Variants in SGPL1 observed in about 807,000 individuals in gnomAD.
The protein encoded by SGPL1 is sphingosine-1-phosphate lyase 1.
SGPL1 carries 37 observed loss-of-function variants against 68.9 expected under a neutral mutation model. The ratio of observed to expected loss-of-function variants is 0.54; its 90% CI spans 0.41 to 0.71. SGPL1 has a LOEUF of 0.71. Among genes scored for constraint, SGPL1 ranks in the 30% least tolerant of loss-of-function variants. The pLI, the probability that SGPL1 is intolerant of heterozygous loss-of-function variation, is 0.00. For synonymous variants in SGPL1, 236 were observed against 248.5 expected, an observed-to-expected ratio of 0.95 and a Z score of 0.47; for missense variants, 551 against 704.6, an observed-to-expected ratio of 0.78 and a Z score of 2.47.
At chr10:70,819,805 A>G (rs754943577) in intron 2 of SGPL1, among the ~76,000 whole-genome samples, 24 of 151,676 alleles carry the variant, frequency 1.6e-4, no homozygotes, top group Non-Finnish European at 3.4e-4. Context: ...TGATTTTTGT[A>G]TTTATTTTTT....
chr10:70,816,968 C>T (rs534275845), intron 2 of SGPL1, 88 bp downstream of exon 2: 1 of 1,230,264 alleles, frequency 8.1e-7, no homozygotes, highest in East Asian at 2.3e-5. Context: ...GATTTCACCT[C>T]TGATGCTTGC....
chr10:70,867,824 G>T (rs1372093117), intron 7 of SGPL1, among the ~76,000 whole-genome samples: 2 of 152,136 alleles, frequency 1.3e-5, no homozygotes, highest in Non-Finnish European at 2.9e-5. Flanking sequence ...TTCAGATAAG[G>T]CAACAAACTT....
At chr10:70,843,898 G>C (rs1265735646) in intron 2 of SGPL1, among the ~76,000 whole-genome samples, 1 of 152,108 alleles carries the variant, frequency 6.6e-6, no homozygotes, top group African/African-American at 2.4e-5. Flanking sequence ...TCAAGTTTTG[G>C]TGTCTGTAAT....
intron 3 of SGPL1, among the ~76,000 whole-genome samples, chr10:70,846,493 G>A (rs1564623398): frequency 1.3e-5 from 2 of 152,000 alleles, no homozygotes; most frequent in African/African-American, 4.8e-5. Flanking sequence ...TCCTGTGGCA[G>A]TAAGTACGTT....
Position 70,851,028 on chromosome 10 carries a change from G to T in SGPL1, c.194-115G>T. The T allele has an allele frequency of 3.9e-6, 3 of 775,404 alleles. No homozygotes were observed. The South Asian group carries it at 5.1e-5, about 13-fold the overall frequency. 48.0% of individuals were successfully genotyped at this position (775,404 alleles called of 1,614,324 possible). A position where few individuals can be genotyped will look rare whatever the true frequency, so the allele number is the denominator to read the frequency against. ...TTTTTTTAAAATTTTTTAAACGAAAGAAACTCTTTGCAATTGGAAGGCAAG... is the reference window on the plus strand; with the variant it reads ...TTTTTTTAAAATTTTTTAAACGAAATAAACTCTTTGCAATTGGAAGGCAAG... On this transcript the variant is annotated intron_variant, in intron 3 of 14. Coordinates refer to ENST00000373202, the MANE Select transcript of SGPL1 (RefSeq NM_003901.4).
chr10:70,831,048 C>T (rs149922131), intron 2 of SGPL1, among the ~76,000 whole-genome samples: 12 of 152,178 alleles, frequency 7.9e-5, no homozygotes, highest in East Asian at 5.8e-4. Flanking sequence ...CTTCACCTGA[C>T]GGCAGAATTT....
Position 70,816,099 on chromosome 10 carries a change from GACTGGA to G in SGPL1, c.-69_-64del, listed in dbSNP as rs1845221273. Reference sequence around the variant, plus strand: ...GCCGGCCGGGTGCTCGAGGGAAGGAGACTGGAAGCTGGTTCCGGCGTGAGGAGGTGG... The same window carrying G: ...GCCGGCCGGGTGCTCGAGGGAAGGAGAGCTGGTTCCGGCGTGAGGAGGTGG... On this transcript the variant is annotated 5_prime_UTR_variant, in exon 1 of 15. Transcript: ENST00000373202. 6.6e-6 allele frequency: 1 copy of G among 152,138 alleles called. No individual in the cohort carries two copies. The highest frequency in any genetic ancestry group is 2.0e-4 in the South Asian group (1 of 5,030). 9.4% of individuals were successfully genotyped at this position (152,138 alleles called of 1,614,324 possible).
chr10:70,859,367 G>A lies in SGPL1; in HGVS notation c.487-4G>A. 6.8e-7 allele frequency: 1 copy of A among 1,468,052 alleles called. No individual in the cohort carries two copies. Among genetic ancestry groups the A allele is most frequent in the Non-Finnish European group, 9.0e-7 (1 of 1,105,582 alleles). 90.9% of individuals were successfully genotyped at this position (1,468,052 alleles called of 1,614,324 possible). ...ATTTCACATCTGCTTGCATTTTTTT[G>A]CAGGCTTATGGAGATTTTGCATGGA... On this transcript the variant is annotated splice_region_variant and splice_polypyrimidine_tract_variant and intron_variant, in intron 6 of 14. Transcript: ENST00000373202.
At chr10:70,816,761 C>T in intron 1 of SGPL1, 50 bp from the exon 2 acceptor site, 1 of 1,300,240 alleles carries the variant, frequency 7.7e-7, no homozygotes. Context: ...GGCGGGCTGG[C>T]GAGACAGTTT....
chr10:70,859,249 T>G, intron 6 of SGPL1, 122 bp from the exon 7 acceptor site: 1 of 591,124 alleles, frequency 1.7e-6, no homozygotes, highest in Non-Finnish European at 2.4e-6. Flanking sequence ...GGAATATATC[T>G]TATCTTTTTT....
At chr10:70,850,884 G>C (rs916314140) in intron 3 of SGPL1, among the ~76,000 whole-genome samples, 2 of 129,286 alleles carry the variant, frequency 1.5e-5, no homozygotes. Context: ...CATGAGGGTT[G>C]GGGGGATACG....
intron 2 of SGPL1, 27 bp downstream of exon 2, chr10:70,816,907 G>C (rs1845242624): frequency 1.2e-6 from 2 of 1,612,476 alleles, no homozygotes; most frequent in South Asian, 2.2e-5. Context: ...CATCCTCCTG[G>C]TTCCAAGGCA....
intron 2 of SGPL1, among the ~76,000 whole-genome samples, chr10:70,824,849 G>A (rs1845403263): frequency 6.6e-6 from 1 of 152,134 alleles, no homozygotes; most frequent in Non-Finnish European, 1.5e-5. Context: ...TAAGGTAAGC[G>A]CAGACTAGTT....
chr10:70,836,307 C>T (rs1282356108), intron 2 of SGPL1, among the ~76,000 whole-genome samples: 1 of 152,032 alleles, frequency 6.6e-6, no homozygotes, highest in South Asian at 2.1e-4. Flanking sequence ...TCATACTTTC[C>T]CAATTAGTAT....
chr10:70,823,200 C>CA lies in SGPL1; in HGVS notation c.27+6323dup, dbSNP rs200855078. Among the ~76,000 whole-genome samples, 1,337 of 151,808 alleles carry CA rather than the reference C, an allele frequency of 8.8e-3. 31 individuals are homozygous for CA. The highest frequency in any genetic ancestry group is 0.031 in the African/African-American group (1,270 of 41,324). ...TCTGGCTCTCTCACAGACACAGACT[C>CA]AAACACACACAGCCATATGTGTAAT... On this transcript the variant is annotated intron_variant, in intron 2 of 14. Transcript: ENST00000373202.
chr10:70,873,665 A>G, intron 12 of SGPL1, 76 bp downstream of exon 12: 1 of 1,078,792 alleles, frequency 9.3e-7, no homozygotes, highest in Non-Finnish European at 1.4e-6. Context: ...CTGCCTGGCT[A>G]AGTATCCATA....
At position 70,817,176 on chromosome 10, in the gene SGPL1, C is replaced by T. The variant is rs12241756; in HGVS notation, c.27+296C>T. Among the ~76,000 whole-genome samples, 822 of 152,208 alleles carry T rather than the reference C, an allele frequency of 5.4e-3. 6 individuals are homozygous for T. The highest frequency in any genetic ancestry group is 0.019 in the African/African-American group (777 of 41,528). ...CTGGGATTACAGGCGCACGCCACCA[C>T]GCCCGGCTAATTTTTGTATTTTTAG... On this transcript the variant is annotated intron_variant, in intron 2 of 14. Coordinates refer to ENST00000373202, the MANE Select transcript of SGPL1 (RefSeq NM_003901.4).
At chr10:70,876,792 T>A in intron 14 of SGPL1, 131 bp downstream of exon 14, 1 of 811,910 alleles carries the variant, frequency 1.2e-6, no homozygotes, top group Non-Finnish European at 2.0e-6. Flanking sequence ...ATTTGTTGAC[T>A]GGAGCTGATG....
intron 2 of SGPL1, chr10:70,820,329 A>C (rs1845316790): frequency 6.6e-6 from 1 of 151,752 alleles, no homozygotes; most frequent in African/African-American, 2.4e-5. Flanking sequence ...GACCATTGTG[A>C]CTGATGGGAG....
Sources: gnomAD v4.1 joint callset for allele counts (sites outside exome capture counted in the v4.1 genomes callset) on GRCh38, gnomAD v4.1.1 for gene constraint, MANE v1.5 for transcripts, NCBI Gene and HGNC (gene_info 2026-07-23, HGNC 2026-07-21) for gene names.